CLDN10: variants seen among roughly 807,000 people sequenced by gnomAD.
CLDN10 encodes claudin-10.
CLDN10 carries 15 observed loss-of-function variants against 22.9 expected under a neutral mutation model. The observed-to-expected ratio is 0.65, with a 90% CI of 0.44 to 1.01. The LOEUF is 1.01. Ranked by LOEUF, CLDN10 falls within the 50% of genes least tolerant of loss-of-function variation. CLDN10 has a pLI of 0.00. For missense variants in CLDN10, 247 were observed against 287.8 expected, an observed-to-expected ratio of 0.86 and a Z score of 1.03; for synonymous variants, 114 against 111.4, an observed-to-expected ratio of 1.02 and a Z score of -0.15.
intron 1 of CLDN10, among the ~76,000 whole-genome samples, chr13:95,465,472 G>A (rs1310070744): frequency 6.6e-6 from 1 of 152,140 alleles, no homozygotes; most frequent in South Asian, 2.1e-4. Flanking sequence ...AGACTTTAAG[G>A]TTAAGTAATT....
In CLDN10 at chr13:95,579,564, A is replaced by G. The variant is rs563810354; in HGVS notation, c.*1550A>G. On this transcript the variant is annotated 3_prime_UTR_variant, in exon 5 of 5. Coordinates refer to ENST00000299339, the MANE Select transcript of CLDN10 (RefSeq NM_006984.5). ...GGTAAAATATAGTTTCAAAGTATGA[A>G]TAAGAATTGGTATTTGTGTTATCTT... The G allele has an allele frequency of 6.6e-6, 1 of 152,336 alleles. No individual in the cohort carries two copies. The highest frequency in any genetic ancestry group is 1.9e-4 in the East Asian group (1 of 5,188). 9.4% of individuals were successfully genotyped at this position (152,336 alleles called of 1,614,324 possible). A position where few individuals can be genotyped will look rare whatever the true frequency, so the allele number is the denominator to read the frequency against.
chr13:95,501,076 A>G (rs12876693), intron 1 of CLDN10, among the ~76,000 whole-genome samples: 71,414 of 151,634 alleles, frequency 0.47, 16,967 homozygotes, highest in Middle Eastern at 0.58. Context: ...GTGTAGTGGC[A>G]TGATCTCAGC....
chr13:95,445,281 A>G (rs779261941), intron 1 of CLDN10, among the ~76,000 whole-genome samples: 1 of 152,238 alleles, frequency 6.6e-6, no homozygotes. Flanking sequence ...AGAGCGGGGG[A>G]GAATATCTGG....
At chr13:95,524,921 G>A (rs766510147) in intron 1 of CLDN10, among the ~76,000 whole-genome samples, 13 of 151,174 alleles carry the variant, frequency 8.6e-5, no homozygotes, top group South Asian at 2.1e-4. Context: ...GTGCAATGGC[G>A]AGATCTCGGC....
chr13:95,553,854 G>T (rs2043601112), intron 1 of CLDN10, among the ~76,000 whole-genome samples: 1 of 152,254 alleles, frequency 6.6e-6, no homozygotes, highest in Admixed American at 6.5e-5. Context: ...AACAGCCGAT[G>T]TCAGCCCGGT....
At chr13:95,481,291 GCACTGAGGGGAAGGGCAGCAGAGGAT>G in intron 1 of CLDN10, among the ~76,000 whole-genome samples, 1 of 152,306 alleles carries the variant, frequency 6.6e-6, no homozygotes, top group South Asian at 2.1e-4. Flanking sequence ...GACCTTGCCT[GCACTGAGGGGAAGGGCAGCAGAGGAT>G]GGCCGGGGCA....
chr13:95,474,455 C>G (rs1172841001), intron 1 of CLDN10, among the ~76,000 whole-genome samples: 1 of 152,080 alleles, frequency 6.6e-6, no homozygotes, highest in Admixed American at 6.5e-5. Context: ...CTGGTACCAG[C>G]CCATGGCCCA....
chr13:95,550,916 G>A (rs1275022517), upstream of CLDN10, among the ~76,000 whole-genome samples: 2 of 135,710 alleles, frequency 1.5e-5, no homozygotes, highest in Non-Finnish European at 3.1e-5. Flanking sequence ...TTCATGATCC[G>A]CCCGCCTCGG....
chr13:95,448,481 G>T (rs573461253), intron 1 of CLDN10, among the ~76,000 whole-genome samples: 3 of 152,156 alleles, frequency 2.0e-5, no homozygotes, highest in Non-Finnish European at 4.4e-5. Flanking sequence ...CATAGTCATC[G>T]GAGGGAAAGA....
chr13:95,495,687 T>C (rs1346666263), intron 1 of CLDN10, among the ~76,000 whole-genome samples: 1 of 140,294 alleles, frequency 7.1e-6, no homozygotes. Flanking sequence ...GAGCTTGCAG[T>C]GAGCCGAGAT....
intron 1 of CLDN10, among the ~76,000 whole-genome samples, chr13:95,524,909 G>C (rs2043264582): frequency 6.6e-6 from 1 of 151,244 alleles, no homozygotes; most frequent in Non-Finnish European, 1.5e-5. Flanking sequence ...GCCCAGGCTG[G>C]AGTGCAATGG....
intron 3 of CLDN10, among the ~76,000 whole-genome samples, chr13:95,566,968 C>G (rs2043795393): frequency 1.3e-5 from 2 of 152,062 alleles, no homozygotes; most frequent in South Asian, 4.1e-4. Context: ...CTGTTCTGTT[C>G]CATTGGTCTA....
intron 1 of CLDN10, among the ~76,000 whole-genome samples, chr13:95,452,892 G>A (rs925138090): frequency 1.3e-5 from 2 of 152,116 alleles, no homozygotes; most frequent in Non-Finnish European, 2.9e-5. Flanking sequence ...TTTCCTGTCA[G>A]GACTTTCTGT....
chr13:95,506,520 C>G (rs1261912085), intron 1 of CLDN10, among the ~76,000 whole-genome samples: 4 of 152,220 alleles, frequency 2.6e-5, no homozygotes, highest in African/African-American at 9.6e-5. Flanking sequence ...CTCTGCCTCC[C>G]TCTGGGAGAA....
chr13:95,481,298 G>C (rs2042744700), intron 1 of CLDN10, among the ~76,000 whole-genome samples: 1 of 152,196 alleles, frequency 6.6e-6, no homozygotes, highest in Non-Finnish European at 1.5e-5. Context: ...CCTGCACTGA[G>C]GGGAAGGGCA....
intron 1 of CLDN10, among the ~76,000 whole-genome samples, chr13:95,545,272 G>A (rs920771441): frequency 1.3e-5 from 2 of 151,728 alleles, no homozygotes; most frequent in African/African-American, 2.4e-5. Context: ...GTCCAGGCAC[G>A]GTGGCTCACA....
chr13:95,502,844 G>A (rs2042999987), intron 1 of CLDN10, among the ~76,000 whole-genome samples: 1 of 152,206 alleles, frequency 6.6e-6, no homozygotes, highest in Non-Finnish European at 1.5e-5. Flanking sequence ...AAGTGAGGGG[G>A]ATGTGCACTC....
At chr13:95,476,763 C>T (rs2042689571) in intron 1 of CLDN10, among the ~76,000 whole-genome samples, 1 of 151,830 alleles carries the variant, frequency 6.6e-6, no homozygotes, top group African/African-American at 2.4e-5. Context: ...CAGGTGGCCT[C>T]ACTATGAAAT....
chr13:95,551,760 C>T (rs979083160), upstream of CLDN10, among the ~76,000 whole-genome samples: 1 of 152,100 alleles, frequency 6.6e-6, no homozygotes, highest in African/African-American at 2.4e-5. Context: ...CTCATTTATG[C>T]CCAGATTTGT....
Sources: gnomAD v4.1 joint callset for allele counts (sites outside exome capture counted in the v4.1 genomes callset) on GRCh38, gnomAD v4.1.1 for gene constraint, MANE v1.5 for transcripts, NCBI Gene and HGNC (gene_info 2026-07-23, HGNC 2026-07-21) for gene names.